FAT3: variants seen among roughly 807,000 people sequenced by gnomAD.
FAT3 encodes protocadherin Fat 3.
In FAT3, 95 loss-of-function variants were observed where a neutral mutation model predicts 310.2. The ratio of observed to expected loss-of-function variants is 0.31; its 90% CI spans 0.26 to 0.36. The LOEUF (loss-of-function observed/expected upper bound fraction) is 0.36, where lower values mean the gene tolerates loss of function less well. Ranked by LOEUF, FAT3 falls within the 10% of genes least tolerant of loss-of-function variation. FAT3 has a pLI of 1.00. For synonymous variants in FAT3, 2,314 were observed against 2,192.9 expected (o/e 1.06, Z -1.54); for missense variants, 5,408 against 5,715.6 (o/e 0.95, Z 1.74).
At chr11:92,662,283 G>GGTGGCATT (rs1175499232) in intron 3 of FAT3, among the ~76,000 whole-genome samples, 1 of 152,176 alleles carries the variant, frequency 6.6e-6, no homozygotes, top group Non-Finnish European at 1.5e-5. Context: ...AGAAACTAGA[G>GGTGGCATT]GTGGCATTTG....
At chr11:92,674,400 C>T (rs1943223762) in intron 3 of FAT3, among the ~76,000 whole-genome samples, 1 of 151,658 alleles carries the variant, frequency 6.6e-6, no homozygotes, top group Non-Finnish European at 1.5e-5. Flanking sequence ...TTTTAGTGCT[C>T]TGAGAAACAT....
At chr11:92,881,067 A>G (rs6483199) in intron 23 of FAT3, among the ~76,000 whole-genome samples, 183 bp downstream of exon 23, 4 of 152,238 alleles carry the variant, frequency 2.6e-5, no homozygotes, top group Non-Finnish European at 4.4e-5. Context: ...ATCTCTGGGT[A>G]GTAGGGTCAT....
chr11:92,746,414 C>T (rs750024090), intron 4 of FAT3, among the ~76,000 whole-genome samples: 18 of 152,072 alleles, frequency 1.2e-4, no homozygotes, highest in Non-Finnish European at 1.5e-4. Context: ...TATGAGAAAC[C>T]GCGCCCATGA....
At chr11:92,642,273 G>T (rs992119137) in intron 3 of FAT3, among the ~76,000 whole-genome samples, 1 of 152,188 alleles carries the variant, frequency 6.6e-6, no homozygotes, top group Non-Finnish European at 1.5e-5. Flanking sequence ...GTTCTCCAGT[G>T]CCATGACTCA....
intron 3 of FAT3, among the ~76,000 whole-genome samples, chr11:92,579,114 C>T (rs1024619371): frequency 1.3e-5 from 2 of 151,890 alleles, no homozygotes; most frequent in African/African-American, 4.8e-5. Context: ...AAATTTGTAC[C>T]ATAAAAGATC....
At chr11:92,769,311 C>T (rs557581800) in intron 6 of FAT3, among the ~76,000 whole-genome samples, 3 of 152,338 alleles carry the variant, frequency 2.0e-5, no homozygotes, top group East Asian at 3.9e-4. Flanking sequence ...AACAGCCCAA[C>T]GCACAGCATG....
At position 92,883,080 on chromosome 11, in the gene FAT3, G is replaced by T. The variant is rs529698975; in HGVS notation, c.12624G>T (p.Pro4208=). ...AALLNKSNGI[P]FRNLRGSGDG... is the part of the protein sequence containing the mutation. ...TGCTTAACAAGAGCAATGGCATCCCGTTCCGGAACCTGCGCGGCAGTGGGG... is the reference window on the plus strand; with the variant it reads ...TGCTTAACAAGAGCAATGGCATCCCTTTCCGGAACCTGCGCGGCAGTGGGG... The change falls in exon 24 of 28, where the codon CCG becomes CCT. Residue 4208 remains proline (P), a synonymous_variant. Coordinates refer to ENST00000525166, the MANE Select transcript of FAT3 (RefSeq NM_001367949.2). The surrounding 1 kb of genome is among the most constrained non-coding windows in gnomAD (Gnocchi z 4.2). 15 of 1,613,842 alleles carry T rather than the reference G, an allele frequency of 9.3e-6. No homozygotes were observed. In the African/African-American group the frequency reaches 1.6e-4, roughly 17 times the overall value.
Position 92,840,635 on chromosome 11 carries a change from C to G in FAT3, c.10442C>G (p.Pro3481Arg), listed in dbSNP as rs1235822512. ...AGAGACTCCTTTCACAATGGGCCTCCCTTTTCATTCTCTATTTTGTCGGGA... is the reference window on the plus strand; with the variant it reads ...AGAGACTCCTTTCACAATGGGCCTCGCTTTTCATTCTCTATTTTGTCGGGA... ...TDRDSFHNGPPFSFSILSGNE... is the reference protein window; with the variant it reads ...TDRDSFHNGPRFSFSILSGNE... Residue 3481 changes from proline (P) to arginine (R), a missense_variant, in exon 18 of 28, where the codon CCC (proline) becomes CGC (arginine). By Grantham distance (103) the Pro-to-Arg change is moderately radical. Coordinates refer to ENST00000525166, the MANE Select transcript of FAT3 (RefSeq NM_001367949.2). 6.2e-7 allele frequency: 1 copy of G among 1,612,702 alleles called. No individual in the cohort carries two copies. Among genetic ancestry groups the G allele is most frequent in the African/African-American group, 1.3e-5 (1 of 74,884 alleles).
chr11:92,807,569 T>C (rs1255314062), intron 12 of FAT3, among the ~76,000 whole-genome samples: 2 of 152,224 alleles, frequency 1.3e-5, no homozygotes, highest in African/African-American at 2.4e-5. Context: ...TAAATGAAGT[T>C]GTATCACAAA....
chr11:92,293,074 AAGGAAAGAAG>A lies in FAT3; in HGVS notation c.-17-59021_-17-59012del, dbSNP rs1315552055. ...GAAGGAAGGAAGGAAGGAAGGAAGG[AAGGAAAGAAG>A]GAAGGAAGGAAGGAAAGGAAGGAAG... On this transcript the variant is annotated intron_variant, in intron 1 of 27. Coordinates refer to ENST00000525166, the MANE Select transcript of FAT3 (RefSeq NM_001367949.2). 2.1e-4 allele frequency among the ~76,000 whole-genome samples: 30 copies of A among 142,586 alleles called. No individual in the cohort carries two copies. In the East Asian group the frequency reaches 4.8e-3, roughly 23 times the overall value. The allele number at this position is 142,586 out of a possible 152,430, so 93.5% of individuals were successfully genotyped here. A position where few individuals can be genotyped will look rare whatever the true frequency, so the allele number is the denominator to read the frequency against.
intron 1 of FAT3, among the ~76,000 whole-genome samples, chr11:92,316,693 A>G (rs1001463548): frequency 6.6e-6 from 1 of 151,376 alleles, no homozygotes; most frequent in Non-Finnish European, 1.5e-5. Context: ...TGTGTTGAGG[A>G]AAAAAAAATG....
intron 3 of FAT3, among the ~76,000 whole-genome samples, chr11:92,614,369 T>C (rs941582609): frequency 4.6e-5 from 7 of 152,216 alleles, no homozygotes; most frequent in African/African-American, 1.2e-4. Flanking sequence ...TCCTGAGCAA[T>C]GTACGAGGGT....
chr11:92,834,783 G>C, intron 14 of FAT3, 87 bp from the exon 15 acceptor site: 2 of 1,164,488 alleles, frequency 1.7e-6, no homozygotes, highest in South Asian at 1.6e-5. Flanking sequence ...TGGCTGGAGA[G>C]GATGTTAGAA....
At chr11:92,879,713 G>T (rs1175192735) in intron 22 of FAT3, among the ~76,000 whole-genome samples, 1 of 151,756 alleles carries the variant, frequency 6.6e-6, no homozygotes, top group Admixed American at 6.6e-5. Context: ...TGGTGAGGCT[G>T]AAGGTTTGAA....
intron 2 of FAT3, among the ~76,000 whole-genome samples, chr11:92,478,952 C>CTTTTCTTTTG (rs200679192): frequency 1.1e-5 from 1 of 89,454 alleles, no homozygotes. Context: ...TTCTTTCTTT[C>CTTTTCTTTTG]TTTTCTTTTC....
chr11:92,707,682 C>T (rs991116777), intron 4 of FAT3, among the ~76,000 whole-genome samples: 4 of 152,180 alleles, frequency 2.6e-5, no homozygotes, highest in Non-Finnish European at 4.4e-5. Flanking sequence ...CCCTTTACTT[C>T]CATAGCTCCT....
chr11:92,237,353 C>A (rs115399710), intron 1 of FAT3, among the ~76,000 whole-genome samples: 2,145 of 152,236 alleles, frequency 0.014, 52 homozygotes, highest in African/African-American at 0.047. Context: ...GGATAGTAAA[C>A]AGGCAAGCTG....
rs137885257 is a variant in FAT3 at position 92,624,132 on chromosome 11, C to G, written c.3608-73252C>G. 2.6e-3 allele frequency among the ~76,000 whole-genome samples: 389 copies of G among 152,272 alleles called. 2 individuals are homozygous for G. The highest frequency in any genetic ancestry group is 2.4e-3 in the Non-Finnish European group (163 of 68,024). On this transcript the variant is annotated intron_variant, in intron 3 of 27. Coordinates refer to ENST00000525166, the MANE Select transcript of FAT3 (RefSeq NM_001367949.2). ...AAAGACAGTTTTGGAATCATGCACA[C>G]TACTATGGGAGCAGTTCAAGAAAGT...
intron 2 of FAT3, among the ~76,000 whole-genome samples, chr11:92,373,760 GCACACACACACACACACACACACACA>G (rs57651290): frequency 8.5e-5 from 11 of 130,074 alleles, no homozygotes; most frequent in African/African-American, 2.4e-4. Context: ...AGATATGTAT[GCACACACACACACACACACACACACA>G]CACACACACA....
Sources: gnomAD v4.1 joint callset for allele counts (sites outside exome capture counted in the v4.1 genomes callset) on GRCh38, gnomAD v4.1.1 for gene constraint, Gnocchi (gnomAD v3.1) non-coding constraint, MANE v1.5 for transcripts, NCBI Gene and HGNC (gene_info 2026-07-23, HGNC 2026-07-21) for gene names.